The following NRL variants were observed in gnomAD, a reference collection of about 807,000 sequenced individuals.
The protein encoded by NRL is neural retina-specific leucine zipper protein.
In NRL, 16 loss-of-function variants were observed where a neutral mutation model predicts 12.5. That is an observed-to-expected ratio of 1.28 (90% CI 0.87 to 1.95). The LOEUF (loss-of-function observed/expected upper bound fraction) is 1.95, where lower values mean the gene tolerates loss of function less well. Among genes scored for constraint, NRL ranks in the 30% most tolerant of loss-of-function variants. The pLI is 0.00. For missense variants in NRL, 314 were observed against 325.8 expected (o/e 0.96, Z 0.28); for synonymous variants, 142 against 150.9 (o/e 0.94, Z 0.43).
chr14:24,104,612 GTCTGGGCAACAGAGCGAAAC>G (rs2037298684), intron 1 of NRL, among the ~76,000 whole-genome samples: 1 of 147,900 alleles, frequency 6.8e-6, no homozygotes, highest in South Asian at 2.1e-4. Flanking sequence ...GCACACTCCA[GTCTGGGCAACAGAGCGAAAC>G]TCCGTCACAA....
chr14:24,093,837 C>A (rs964631756), intron 1 of NRL, among the ~76,000 whole-genome samples: 1 of 152,090 alleles, frequency 6.6e-6, no homozygotes, highest in African/African-American at 2.4e-5. Flanking sequence ...ACTAAGTGGA[C>A]CTTAGCATTG....
intron 1 of NRL, among the ~76,000 whole-genome samples, chr14:24,091,936 C>T (rs1201705486): frequency 6.6e-6 from 1 of 152,054 alleles, no homozygotes; most frequent in Non-Finnish European, 1.5e-5. Context: ...CGGCATTTGA[C>T]CTTTGATTTA....
intron 1 of NRL, chr14:24,099,172 G>A (rs1324107961): frequency 2.5e-6 from 4 of 1,609,730 alleles, no homozygotes; most frequent in Non-Finnish European, 3.4e-6. Context: ...GGCAAGAAGT[G>A]CTTTGCCCTA....
At position 24,080,795 on chromosome 14, in the gene NRL, T is replaced by C. The variant is rs1419284922; in HGVS notation, c.*441A>G. On this transcript the variant is annotated 3_prime_UTR_variant, in exon 3 of 3. Coordinates refer to ENST00000561028, the MANE Select transcript of NRL (RefSeq NM_001354768.3). ...TGAAATCTTGAAAATTCTGTAGTGC[T>C]AAAATGGGGAGGTTACAAGCTTCAG... The C allele has an allele frequency of 6.3e-6, 1 of 158,016 alleles. No individual in the cohort carries two copies. Among genetic ancestry groups the C allele is most frequent in the East Asian group, 1.8e-4 (1 of 5,434 alleles). The allele number at this position is 158,016 out of a possible 1,614,324, so 9.8% of individuals were successfully genotyped here.
intron 1 of NRL, among the ~76,000 whole-genome samples, chr14:24,097,367 A>G (rs2036933552): frequency 6.7e-6 from 1 of 150,212 alleles, no homozygotes; most frequent in Non-Finnish European, 1.5e-5. Flanking sequence ...CCTGACCAAC[A>G]TGGAGAAACC....
chr14:24,087,957 G>C (rs1042570832), intron 1 of NRL, among the ~76,000 whole-genome samples: 3 of 152,114 alleles, frequency 2.0e-5, no homozygotes, highest in Non-Finnish European at 1.5e-5. Flanking sequence ...AGCCTGGGGA[G>C]GATGAGGGTG....
chr14:24,082,600 C>T lies in NRL; in HGVS notation c.249G>A (p.Gly83=), dbSNP rs771308017. The stretch of plus-strand genomic sequence containing the variant: ...GACTCAGCCCCAATGCCTCCCCAGC[C>T]CCCAGCTGCTGCTGCAGGGTAGCCA... ...YWLATLQQQL[G]AGEALGLSPE... The change falls in exon 2 of 3, where the codon GGG becomes GGA. Residue 83 remains glycine (G), a synonymous_variant. Transcript: ENST00000561028. 7 of 1,613,878 alleles carry T rather than the reference C, an allele frequency of 4.3e-6. No individual in the cohort carries two copies. The Admixed American group carries it at 8.3e-5, about 19-fold the overall frequency.
intron 1 of NRL, chr14:24,098,078 G>A (rs2036973094): frequency 2.7e-6 from 2 of 750,722 alleles, no homozygotes; most frequent in East Asian, 2.7e-5. Flanking sequence ...GGACTGAGAT[G>A]TGATTGGGTG....
In NRL at chr14:24,081,155, G is replaced by A; in HGVS notation, c.*81C>T. 5.9e-6 allele frequency: 6 copies of A among 1,014,618 alleles called. No individual in the cohort carries two copies. Among genetic ancestry groups the A allele is most frequent in the Non-Finnish European group, 7.8e-6 (6 of 769,408 alleles). The allele number at this position is 1,014,618 out of a possible 1,614,324, so 62.9% of individuals were successfully genotyped here. ...TAGGACCAGAAGGCGCTCTGGTAAC[G>A]ATGCAGAGAACCGTGCAGCCGCCTC... is the stretch of plus-strand genomic sequence containing the variant. On this transcript the variant is annotated 3_prime_UTR_variant, in exon 3 of 3. Coordinates refer to ENST00000561028, the MANE Select transcript of NRL (RefSeq NM_001354768.3). The surrounding 1 kb of genome is among the most constrained non-coding windows in gnomAD (Gnocchi z 4.4).
chr14:24,086,429 C>T (rs1475269065), intron 1 of NRL, among the ~76,000 whole-genome samples: 2 of 152,154 alleles, frequency 1.3e-5, no homozygotes, highest in Non-Finnish European at 2.9e-5. Context: ...CAGAAACCAT[C>T]GTCACCATTC....
chr14:24,110,546 C>T (rs533791750), intron 1 of NRL: 131 of 164,738 alleles, frequency 8.0e-4, no homozygotes, highest in African/African-American at 3.1e-3. Flanking sequence ...AAGGCTACAA[C>T]AAACCTATAC....
chr14:24,093,930 T>C, intron 1 of NRL: 1 of 449,808 alleles, frequency 2.2e-6, no homozygotes, highest in Non-Finnish European at 3.9e-6. Context: ...CCCAACCCCC[T>C]AACTTCTAGA....
Position 24,081,746 on chromosome 14 carries a change from C to G in NRL, c.382-178G>C, listed in dbSNP as rs2138871741. 6.6e-7 allele frequency: 1 copy of G among 1,521,614 alleles called. No individual in the cohort carries two copies. The highest frequency in any genetic ancestry group is 2.0e-5 in the Admixed American group (1 of 50,152). The allele number at this position is 1,521,614 out of a possible 1,614,324, so 94.3% of individuals were successfully genotyped here. ...CCAGAGCCCGCCCCAGGCCCCGACG[C>G]TCCCCGGGCCCCCCAGCTGACCGTT... On this transcript the variant is annotated intron_variant, in intron 2 of 2. Coordinates refer to ENST00000561028, the MANE Select transcript of NRL (RefSeq NM_001354768.3). This position sits in a 1 kb window ranked among gnomAD's most constrained non-coding sequence, Gnocchi z 4.4.
chr14:24,094,440 T>G lies in NRL; in HGVS notation c.-27-11565A>C. On this transcript the variant is annotated intron_variant, in intron 1 of 2. Transcript: ENST00000561028. The surrounding 1 kb of genome is among the most constrained non-coding windows in gnomAD (Gnocchi z 4.1). ...TTGTACCGCCCTGGCCTGCGGTGAG[T>G]GACCCCCGGCCCGGGGCCCACCCGC... 4 of 1,543,756 alleles carry G rather than the reference T, an allele frequency of 2.6e-6. No individual in the cohort carries two copies. In the South Asian group the frequency reaches 3.6e-5, roughly 14 times the overall value.
chr14:24,103,944 A>C, intron 1 of NRL: 1 of 1,613,790 alleles, frequency 6.2e-7, no homozygotes, highest in Non-Finnish European at 8.5e-7. Context: ...GGCCCTGGAG[A>C]GACGTGTGCA....
At chr14:24,098,957 A>C in intron 1 of NRL, 1 of 994,534 alleles carries the variant, frequency 1.0e-6, no homozygotes, top group South Asian at 1.5e-5. Flanking sequence ...ACTGCTCCCA[A>C]GTGTCTCTCC....
At chr14:24,104,825 C>T (rs2037307816) in intron 1 of NRL, among the ~76,000 whole-genome samples, 1 of 152,192 alleles carries the variant, frequency 6.6e-6, no homozygotes, top group Admixed American at 6.5e-5. Context: ...CCTGCCTGAC[C>T]TGGCACTGGG....
intron 1 of NRL, among the ~76,000 whole-genome samples, chr14:24,088,785 C>T (rs1258195728): frequency 2.0e-5 from 3 of 149,288 alleles, no homozygotes; most frequent in Non-Finnish European, 4.4e-5. Context: ...AGCAGACATG[C>T]ACCACCATGC....
intron 1 of NRL, chr14:24,100,261 T>C (rs2037109439): frequency 2.5e-6 from 4 of 1,599,316 alleles, no homozygotes; most frequent in Non-Finnish European, 3.4e-6. Context: ...CCTCAGCACC[T>C]TAATGGTGGA....
Sources: gnomAD v4.1 joint callset for allele counts (sites outside exome capture counted in the v4.1 genomes callset) on GRCh38, gnomAD v4.1.1 for gene constraint, Gnocchi (gnomAD v3.1) non-coding constraint, MANE v1.5 for transcripts, NCBI Gene and HGNC (gene_info 2026-07-23, HGNC 2026-07-21) for gene names.